The following TBXAS1 variants were observed in gnomAD, a reference collection of about 807,000 sequenced individuals.
TBXAS1 encodes thromboxane-A synthase.
A neutral mutation model predicts 60.7 loss-of-function variants in TBXAS1; 48 were observed. That is an observed-to-expected ratio of 0.79 (90% CI 0.63 to 1.01). The LOEUF is 1.01. TBXAS1 is among the 50% of genes least tolerant of loss of function. The pLI is 0.00. For synonymous variants in TBXAS1, 287 were observed against 269.7 expected (o/e 1.06, Z -0.63); for missense variants, 685 against 686.3 (o/e 1.00, Z 0.02).
rs554169295 is a variant in TBXAS1, at chr7:139,865,164, G to A, written c.90-7071G>A. Among the ~76,000 whole-genome samples the A allele has an allele frequency of 3.3e-5, 5 of 152,270 alleles. No individual in the cohort carries two copies. In the East Asian group the frequency reaches 7.7e-4, roughly 24 times the overall value. ...AGAGGGGGCTGAACATGAGGATGAG[G>A]ATGCCAGGGTGGACACTAGGTGCTA... On this transcript the variant is annotated intron_variant, in intron 1 of 12. Transcript: ENST00000448866.
rs1810407586 is a variant in TBXAS1, at chr7:139,962,083, G to GA, written c.984_985insA (p.Asp329ArgfsTer2). 6.2e-7 allele frequency: 1 copy of GA among 1,614,226 alleles called. No individual in the cohort carries two copies. On this transcript the variant is annotated frameshift_variant, in exon 9 of 13. Coordinates refer to ENST00000448866, the MANE Select transcript of TBXAS1 (RefSeq NM_001061.7). LOFTEE classifies it high-confidence loss of function. ...GCCCTATGGCCAGGCCTTTGACTGT[G>GA]GATGAGATTGTGGGCCAGGCCTTCA...
intron 4 of TBXAS1, among the ~76,000 whole-genome samples, chr7:139,815,460 A>T (rs1279948257): frequency 6.6e-6 from 1 of 152,254 alleles, no homozygotes; most frequent in East Asian, 1.9e-4. Context: ...AAAGGCAGTG[A>T]ATAACACAGC....
intron 9 of TBXAS1, among the ~76,000 whole-genome samples, chr7:139,976,406 AC>A (rs1463510226): frequency 6.6e-6 from 1 of 152,174 alleles, no homozygotes; most frequent in Non-Finnish European, 1.5e-5. Flanking sequence ...TGGATCGGCC[AC>A]CCTCACCAAA....
chr7:139,855,401 C>G (rs1252395074), intron 1 of TBXAS1, among the ~76,000 whole-genome samples: 3 of 151,910 alleles, frequency 2.0e-5, no homozygotes, highest in Admixed American at 2.0e-4. Flanking sequence ...TGAGTTGAAG[C>G]CTGAAGTGTG....
intron 1 of TBXAS1, among the ~76,000 whole-genome samples, chr7:139,863,626 G>A (rs912664576): frequency 5.9e-5 from 9 of 152,152 alleles, no homozygotes; most frequent in African/African-American, 2.2e-4. Context: ...TGCAGATAAA[G>A]AACTACTTAG....
chr7:139,869,001 G>A (rs904382470), intron 1 of TBXAS1, among the ~76,000 whole-genome samples: 9 of 151,980 alleles, frequency 5.9e-5, no homozygotes, highest in African/African-American at 2.2e-4. Flanking sequence ...GTCTTGCTGT[G>A]TTGCCCAGGC....
At chr7:139,987,385 C>A (rs35813039) in intron 9 of TBXAS1, among the ~76,000 whole-genome samples, 31 of 152,062 alleles carry the variant, frequency 2.0e-4, no homozygotes, top group Non-Finnish European at 4.0e-4. Flanking sequence ...CATCCCCACA[C>A]ACTGAGAGGC....
Position 139,992,220 on chromosome 7 carries a change from C to T in TBXAS1, c.1135-14871C>T, listed in dbSNP as rs560154266. On this transcript the variant is annotated intron_variant, in intron 9 of 12. Coordinates refer to ENST00000448866, the MANE Select transcript of TBXAS1 (RefSeq NM_001061.7). Reference sequence around the variant, plus strand: ...GGGGTGAGGCATGGACCAGCATCTCCGCTGCTTTGAGCAATCATGAAAACT... The same window carrying T: ...GGGGTGAGGCATGGACCAGCATCTCTGCTGCTTTGAGCAATCATGAAAACT... Among the ~76,000 whole-genome samples, 514 of 152,336 alleles carry T rather than the reference C, an allele frequency of 3.4e-3. 6 individuals are homozygous for T. Among genetic ancestry groups the T allele is most frequent in the African/African-American group, 0.012 (496 of 41,574 alleles).
chr7:139,981,716 A>G (rs1440536030), intron 9 of TBXAS1, among the ~76,000 whole-genome samples: 2 of 152,164 alleles, frequency 1.3e-5, no homozygotes. Context: ...CTGGCCCCTC[A>G]CTGGGATTGT....
At chr7:139,797,935 G>C (rs1374800125) in intron 4 of TBXAS1, among the ~76,000 whole-genome samples, 1 of 152,164 alleles carries the variant, frequency 6.6e-6, no homozygotes, top group African/African-American at 2.4e-5. Flanking sequence ...ACAAAGAGAT[G>C]CTTCCTGAAA....
chr7:139,921,827 G>A (rs893220570), intron 4 of TBXAS1, among the ~76,000 whole-genome samples: 1 of 152,134 alleles, frequency 6.6e-6, no homozygotes. Context: ...ATATCAACAG[G>A]CATTTATGAA....
intron 4 of TBXAS1, among the ~76,000 whole-genome samples, chr7:139,933,389 G>A (rs1807489445): frequency 6.6e-6 from 1 of 152,160 alleles, no homozygotes; most frequent in Non-Finnish European, 1.5e-5. Flanking sequence ...TTGGAGGTAA[G>A]TGCTTTATTC....
intron 4 of TBXAS1, among the ~76,000 whole-genome samples, chr7:139,921,477 T>C (rs535606181): frequency 1.3e-5 from 2 of 152,244 alleles, no homozygotes; most frequent in Admixed American, 1.3e-4. Flanking sequence ...GGCAGGAAGA[T>C]TGCTTGAGCC....
intron 3 of TBXAS1, among the ~76,000 whole-genome samples, chr7:139,904,876 G>A (rs546431138): frequency 3.3e-5 from 5 of 152,110 alleles, no homozygotes; most frequent in South Asian, 2.1e-4. Context: ...CAAGGTAAAC[G>A]ATTGTATTGT....
At chr7:139,951,141 T>C (rs1483315834) in intron 5 of TBXAS1, among the ~76,000 whole-genome samples, 1 of 152,180 alleles carries the variant, frequency 6.6e-6, no homozygotes, top group Non-Finnish European at 1.5e-5. Flanking sequence ...AACTAGTGCC[T>C]TTCTAATGAA....
intron 3 of TBXAS1, among the ~76,000 whole-genome samples, chr7:139,901,210 A>G (rs1420287647): frequency 6.6e-6 from 1 of 152,130 alleles, no homozygotes; most frequent in Non-Finnish European, 1.5e-5. Flanking sequence ...AATTCACAAG[A>G]TTACACAATT....
intron 4 of TBXAS1, chr7:139,913,215 T>C (rs1417529459): frequency 1.3e-5 from 9 of 693,552 alleles, no homozygotes; most frequent in Non-Finnish European, 1.9e-5. Flanking sequence ...CTAGATTCTC[T>C]TTCCCAAACA....
In TBXAS1 at chr7:139,778,802, G is replaced by A. The variant is rs184001319; in HGVS notation, c.-318+331G>A. ...CTAAACACTCTCCAGACTCTCCCCA[G>A]CCGGGAGCCTCTCCAGGTTTGCTTC... On this transcript the variant is annotated intron_variant, in intron 1 of 16. Coordinates refer to the TBXAS1 transcript ENST00000336425. The surrounding 1 kb of genome is among the most constrained non-coding windows in gnomAD (Gnocchi z 4.8). 6.6e-6 allele frequency among the ~76,000 whole-genome samples: 1 copy of A among 152,126 alleles called. No individual in the cohort carries two copies. Among genetic ancestry groups the A allele is most frequent in the African/African-American group, 2.4e-5 (1 of 41,422 alleles).
intron 5 of TBXAS1, among the ~76,000 whole-genome samples, chr7:139,947,478 T>C (rs1044430960): frequency 6.6e-6 from 1 of 152,160 alleles, no homozygotes; most frequent in Non-Finnish European, 1.5e-5. Flanking sequence ...GATGGGTTGA[T>C]AGGTGCGGCA....
Sources: allele counts gnomAD v4.1 joint callset (sites outside exome capture counted in the v4.1 genomes callset), GRCh38; gene constraint gnomAD v4.1.1; non-coding constraint Gnocchi (gnomAD v3.1); transcripts MANE v1.5; gene names NCBI Gene and HGNC (gene_info 2026-07-23, HGNC 2026-07-21).